The following SERPINF2 variants were observed in gnomAD, a reference collection of about 807,000 sequenced individuals.
SERPINF2 encodes the protein serpin family F member 2.
SERPINF2 carries 15 observed loss-of-function variants against 45.0 expected under a neutral mutation model. The ratio of observed to expected loss-of-function variants is 0.33; its 90% CI spans 0.22 to 0.51. The LOEUF (loss-of-function observed/expected upper bound fraction) is 0.51. Ranked by LOEUF, SERPINF2 falls within the 20% of genes least tolerant of loss-of-function variation. The pLI is 0.97. For synonymous variants in SERPINF2, 283 were observed against 277.9 expected (o/e 1.02, Z -0.18); for missense variants, 518 against 637.4 (o/e 0.81, Z 2.02).
chr17:1,754,428 T>C lies in SERPINF2; in HGVS notation c.1370T>C (p.Leu457Pro), dbSNP rs764347515. 5.0e-6 allele frequency: 8 copies of C among 1,612,350 alleles called. No individual in the cohort carries two copies. The Admixed American group carries it at 1.3e-4, about 27-fold the overall frequency. Residue 457 changes from leucine to proline, a missense_variant, in exon 10 of 10, where the codon CTC becomes CCC. Physicochemically the swap from Leu to Pro is moderately conservative, Grantham distance 98. This residue lies in a region of SERPINF2 where 83 missense variants were observed against 60.0 expected (regional missense o/e 1.38). Transcript: ENST00000453066. Reference sequence around the variant, plus strand: ...GATTCCCCGGGCAACAAGGACTTCCTCCAGAGCCTGAAAGGCTTCCCCCGC... The same window carrying C: ...GATTCCCCGGGCAACAAGGACTTCCCCCAGAGCCTGAAAGGCTTCCCCCGC... ...QQDSPGNKDF[L>P]QSLKGFPRGD... is the part of the protein sequence containing the mutation.
chr17:1,747,902 T>C (rs752644306), intron 7 of SERPINF2, among the ~76,000 whole-genome samples: 4 of 151,598 alleles, frequency 2.6e-5, no homozygotes, highest in Non-Finnish European at 5.9e-5. Flanking sequence ...TCTTCCTCAG[T>C]CTGGGCCATG....
At chr17:1,747,588 C>T (rs1395433969) in intron 7 of SERPINF2, 76 bp downstream of exon 7, 1 of 1,486,100 alleles carries the variant, frequency 6.7e-7, no homozygotes, top group Admixed American at 1.9e-5. Context: ...TTTTTTGAGA[C>T]AAGTCTCGCT....
In SERPINF2 at chr17:1,745,748, T is replaced by G. The variant is rs974424769; in HGVS notation, c.206T>G (p.Val69Gly). Residue 69 changes from valine to glycine, a missense_variant, in exon 5 of 10, where the codon GTC (valine) becomes GGC (glycine). Physicochemically the swap from Val to Gly is moderately radical, Grantham distance 109 (BLOSUM62 -3). Around this residue, in one of 2 missense-constraint regions of SERPINF2, gnomAD observed 435 missense variants for 577.3 expected, o/e 0.75. Transcript: ENST00000453066. The surrounding 1 kb of genome is among the most constrained non-coding windows in gnomAD (Gnocchi z 6.2). ...ACTGCCCTGAAGAGTCCCCCAGGAGTCTGCAGCAGAGACCCCACCCCAGAG... is the reference window on the plus strand; with the variant it reads ...ACTGCCCTGAAGAGTCCCCCAGGAGGCTGCAGCAGAGACCCCACCCCAGAG... The part of the protein sequence containing the change: ...GQTALKSPPG[V>G]CSRDPTPEQT... The G allele has an allele frequency of 3.1e-6, 5 of 1,613,490 alleles. No homozygotes were observed. The highest frequency in any genetic ancestry group is 3.4e-6 in the Non-Finnish European group (4 of 1,179,896).
chr17:1,745,400 A>G lies in SERPINF2; in HGVS notation c.165+5A>G, dbSNP rs374510739. The G allele has an allele frequency of 6.4e-6, 10 of 1,571,862 alleles. No homozygotes were observed. Among genetic ancestry groups the G allele is most frequent in the African/African-American group, 1.4e-5 (1 of 72,436 alleles). ...CTCCTCAAGTTGGGCAACCAGGTAC[A>G]ACCAGGTGGGGCTGGGGAAGAGTGG... On this transcript the variant is annotated splice_donor_5th_base_variant and intron_variant, in intron 4 of 9. Transcript: ENST00000453066. This position sits in a 1 kb window ranked among gnomAD's most constrained non-coding sequence, Gnocchi z 6.2.
chr17:1,747,564 T>C, intron 7 of SERPINF2, 52 bp downstream of exon 7: 1 of 1,576,284 alleles, frequency 6.3e-7, no homozygotes, highest in Non-Finnish European at 8.7e-7. Flanking sequence ...AGCTGGGACG[T>C]GCAGGCCTTT....
chr17:1,744,759 A>G, intron 1 of SERPINF2: 1 of 985,442 alleles, frequency 1.0e-6, no homozygotes, highest in Non-Finnish European at 1.2e-6. Context: ...CATGAAATGC[A>G]TGAAATATGA....
At chr17:1,750,194 A>G (rs1021762861) in intron 8 of SERPINF2, among the ~76,000 whole-genome samples, 8 of 150,836 alleles carry the variant, frequency 5.3e-5, no homozygotes, top group African/African-American at 2.0e-4. Context: ...TATCGCCCAG[A>G]CTGGAGTGCA....
rs375887925 is a variant in SERPINF2 at position 1,747,126 on chromosome 17, G to A, written c.475G>A (p.Ala159Thr). The A allele has an allele frequency of 1.2e-4, 199 of 1,611,870 alleles. 1 individual carries two copies. In the South Asian group the frequency reaches 1.5e-3, roughly 12 times the overall value. ...CCTCTGCCAGGACCTGGGCCCCGGC[G>A]CGTTCCGACTGGCTGCCAGGATGTA... ...SRLCQDLGPG[A>T]FRLAARMYLQ... is the part of the protein sequence containing the mutation. The change falls in exon 6 of 10, where the codon GCG becomes ACG. Residue 159 changes from alanine to threonine, a missense_variant. Ala to Thr is a moderately conservative substitution (Grantham distance 58). Around this residue, in one of 2 missense-constraint regions of SERPINF2, gnomAD observed 435 missense variants for 577.3 expected, o/e 0.75. Transcript: ENST00000453066.
At chr17:1,744,617 G>A in intron 1 of SERPINF2, 9 of 985,428 alleles carry the variant, frequency 9.1e-6, no homozygotes, top group Non-Finnish European at 1.1e-5. Flanking sequence ...TGGAGTTACG[G>A]GAAATGCCGA....
rs1057335 is a variant in SERPINF2 at position 1,754,359 on chromosome 17, G to A, written c.1301G>A (p.Arg434Lys). ...TGLPLFVGSV[R>K]NPNPSAPREL... ...CTTCCCCTCTTCGTGGGCAGCGTGA[G>A]GAACCCCAACCCCAGTGCACCGCGG... Residue 434 changes from arginine to lysine, a missense_variant, in exon 10 of 10, where the codon AGG becomes AAG. Physicochemically the swap from Arg to Lys is conservative, Grantham distance 26 (BLOSUM62 2). Around this residue, in one of 2 missense-constraint regions of SERPINF2, gnomAD observed 435 missense variants for 577.3 expected, o/e 0.75. Transcript: ENST00000453066. 0.2 allele frequency: 324,105 copies of A among 1,614,050 alleles called. 34,592 individuals are homozygous for A. Among genetic ancestry groups the A allele is most frequent in the South Asian group, 0.37 (34,088 of 91,078 alleles).
At chr17:1,749,471 G>T (rs1056308895) in intron 8 of SERPINF2, among the ~76,000 whole-genome samples, 1 of 152,198 alleles carries the variant, frequency 6.6e-6, no homozygotes, top group African/African-American at 2.4e-5. Context: ...GGTGGCGGGC[G>T]CCTGTAATCC....
intron 7 of SERPINF2, among the ~76,000 whole-genome samples, chr17:1,747,727 G>A (rs1905981100): frequency 6.6e-6 from 1 of 152,174 alleles, no homozygotes. Context: ...ACCACACCCA[G>A]CTAATTTTTG....
chr17:1,747,983 C>A (rs1906005595), intron 7 of SERPINF2, among the ~76,000 whole-genome samples: 1 of 151,748 alleles, frequency 6.6e-6, no homozygotes, highest in African/African-American at 2.4e-5. Flanking sequence ...AGAGTGAATA[C>A]CCTGGGAACA....
intron 8 of SERPINF2, among the ~76,000 whole-genome samples, chr17:1,751,063 G>T (rs1906349662): frequency 6.6e-6 from 1 of 152,192 alleles, no homozygotes; most frequent in Admixed American, 6.5e-5. Flanking sequence ...TCTCCACACG[G>T]GTACTCTGCC....
intron 5 of SERPINF2, 120 bp downstream of exon 5, chr17:1,746,029 C>T: frequency 1.8e-6 from 2 of 1,142,404 alleles, no homozygotes; most frequent in Non-Finnish European, 2.6e-6. Flanking sequence ...GGTAAAAATG[C>T]AGATTCCTAG....
chr17:1,752,543 C>T (rs747513682), intron 8 of SERPINF2, 43 bp from the exon 9 acceptor site: 32 of 1,590,658 alleles, frequency 2.0e-5, no homozygotes, highest in Middle Eastern at 3.4e-4. Context: ...CACTTAGCTT[C>T]GGGGCTTTCT....
chr17:1,748,215 G>A lies in SERPINF2; in HGVS notation c.716-383G>A, dbSNP rs1906032650. Among the ~76,000 whole-genome samples, 4 of 151,952 alleles carry A rather than the reference G, an allele frequency of 2.6e-5. No homozygotes were observed. In the South Asian group the frequency reaches 8.3e-4, roughly 32 times the overall value. On this transcript the variant is annotated intron_variant, in intron 7 of 9. Coordinates refer to ENST00000453066, the MANE Select transcript of SERPINF2 (RefSeq NM_000934.4). ...ACTCGGGAGGCTGAGGCAGGAGAATGGCGTGAGCCCGGGAGGCGGTGGAGC... is the reference window on the plus strand; with the variant it reads ...ACTCGGGAGGCTGAGGCAGGAGAATAGCGTGAGCCCGGGAGGCGGTGGAGC...
At chr17:1,752,866 G>A (rs1372300870) in intron 9 of SERPINF2, 76 bp downstream of exon 9, 1 of 1,308,718 alleles carries the variant, frequency 7.6e-7, no homozygotes, top group Non-Finnish European at 1.1e-6. Context: ...CTGGCTGGCA[G>A]TGGAGCTGAG....
Position 1,745,818 on chromosome 17 carries a change from C to T in SERPINF2, c.276C>T (p.Asp92=). ...LARAMMAFTA[D]LFSLVAQTST... Reference sequence around the variant, plus strand: ...GGGCCATGATGGCCTTCACTGCCGACCTGTTCTCCCTGGTGGCTCAAACGT... The same window carrying T: ...GGGCCATGATGGCCTTCACTGCCGATCTGTTCTCCCTGGTGGCTCAAACGT... The change falls in exon 5 of 10, where the codon GAC becomes GAT. Residue 92 remains aspartate, a synonymous_variant. Coordinates refer to ENST00000453066, the MANE Select transcript of SERPINF2 (RefSeq NM_000934.4). This position sits in a 1 kb window ranked among gnomAD's most constrained non-coding sequence, Gnocchi z 6.2. The T allele has an allele frequency of 6.2e-7, 1 of 1,614,068 alleles. No homozygotes were observed.
Sources: allele counts gnomAD v4.1 joint callset (sites outside exome capture counted in the v4.1 genomes callset), GRCh38; gene constraint gnomAD v4.1.1; regional missense constraint gnomAD v4.1.1; non-coding constraint Gnocchi (gnomAD v3.1); transcripts MANE v1.5; gene names NCBI Gene and HGNC (gene_info 2026-07-23, HGNC 2026-07-21).